The following LPAR1 variants were observed in gnomAD, a reference collection of about 807,000 sequenced individuals.
LPAR1 encodes the protein lysophosphatidic acid receptor 1, also known as LPA receptor 1.
In LPAR1, 5 loss-of-function variants were observed where a neutral mutation model predicts 23.8. The ratio of observed to expected loss-of-function variants is 0.21; its 90% confidence interval spans 0.11 to 0.44. LPAR1 has a LOEUF of 0.44. LPAR1 is among the 20% of genes least tolerant of loss of function. The probability of loss-of-function intolerance (pLI) is 0.99; values close to 1 mark genes in which losing one functional copy is unlikely to be tolerated. For missense variants in LPAR1, 311 were observed against 482.8 expected (o/e 0.64, Z 3.33); for synonymous variants, 160 against 164.7 (o/e 0.97, Z 0.22).
chr9:110,951,175 G>A (rs190224094), intron 4 of LPAR1, among the ~76,000 whole-genome samples: 23 of 151,922 alleles, frequency 1.5e-4, no homozygotes, highest in East Asian at 5.8e-4. Flanking sequence ...ACAGAAATCC[G>A]TTTCAGGCAA....
chr9:110,898,295 T>G (rs1299694269), intron 5 of LPAR1, among the ~76,000 whole-genome samples: 1 of 152,266 alleles, frequency 6.6e-6, no homozygotes, highest in African/African-American at 2.4e-5. Context: ...GCTTTGGAAT[T>G]ACAAAACTAT....
At chr9:110,930,682 G>C (rs2094350497) in intron 5 of LPAR1, among the ~76,000 whole-genome samples, 2 of 152,064 alleles carry the variant, frequency 1.3e-5, no homozygotes, top group African/African-American at 4.8e-5. Flanking sequence ...TTGGGAGGCT[G>C]AGGTGGGTGG....
At chr9:110,905,880 ACCC>A (rs1426189317) in intron 5 of LPAR1, among the ~76,000 whole-genome samples, 3 of 152,154 alleles carry the variant, frequency 2.0e-5, no homozygotes, top group Non-Finnish European at 4.4e-5. Context: ...CTGGCTCAAT[ACCC>A]TGAGGTTCAG....
intron 2 of LPAR1, among the ~76,000 whole-genome samples, chr9:110,986,584 T>TA (rs537635873): frequency 3.5e-4 from 49 of 141,216 alleles, no homozygotes; most frequent in Non-Finnish European, 4.5e-4. Flanking sequence ...TTAACTATTC[T>TA]AAAAAAAAAA....
intron 2 of LPAR1, among the ~76,000 whole-genome samples, chr9:111,005,079 T>C (rs1158456821): frequency 6.7e-6 from 1 of 149,352 alleles, no homozygotes; most frequent in Non-Finnish European, 1.5e-5. Context: ...CAAGCATTGG[T>C]TGAGCCCAAG....
At chr9:110,903,987 C>A (rs537764095) in intron 5 of LPAR1, among the ~76,000 whole-genome samples, 1 of 147,756 alleles carries the variant, frequency 6.8e-6, no homozygotes, top group African/African-American at 2.5e-5. Flanking sequence ...TTACCTGAAA[C>A]CATATAGGCC....
At chr9:110,903,605 G>A (rs964731558) in intron 5 of LPAR1, among the ~76,000 whole-genome samples, 1 of 152,048 alleles carries the variant, frequency 6.6e-6, no homozygotes, top group Non-Finnish European at 1.5e-5. Flanking sequence ...CTATGAACAA[G>A]AAGAAAATAG....
At chr9:110,958,118 C>T (rs1188493991) in intron 4 of LPAR1, among the ~76,000 whole-genome samples, 4 of 152,092 alleles carry the variant, frequency 2.6e-5, no homozygotes, top group East Asian at 1.9e-4. Context: ...GCTTATAGAT[C>T]GAACGAATTA....
chr9:110,905,325 A>T (rs950739931), intron 5 of LPAR1, among the ~76,000 whole-genome samples: 4 of 143,866 alleles, frequency 2.8e-5, no homozygotes, highest in African/African-American at 9.9e-5. Context: ...TTTAAAACAA[A>T]ATATGCCTTT....
At chr9:110,925,999 C>A (rs1588361055) in intron 5 of LPAR1, among the ~76,000 whole-genome samples, 1 of 152,184 alleles carries the variant, frequency 6.6e-6, no homozygotes, top group Non-Finnish European at 1.5e-5. Flanking sequence ...CGGCTCACTG[C>A]AAGCTCTGCC....
intron 5 of LPAR1, among the ~76,000 whole-genome samples, chr9:110,882,586 TA>T (rs1177484353): frequency 2.0e-5 from 3 of 152,198 alleles, no homozygotes; most frequent in Non-Finnish European, 4.4e-5. Flanking sequence ...CCTATAATTT[TA>T]ACCTGTATTA....
intron 2 of LPAR1, among the ~76,000 whole-genome samples, chr9:111,000,913 C>T (rs2097115208): frequency 6.6e-6 from 1 of 152,148 alleles, no homozygotes; most frequent in South Asian, 2.1e-4. Flanking sequence ...TTAAATCTAA[C>T]TAAATGCCTC....
At chr9:110,876,073 A>C (rs2079025399) in intron 5 of LPAR1, among the ~76,000 whole-genome samples, 1 of 152,198 alleles carries the variant, frequency 6.6e-6, no homozygotes. Flanking sequence ...TAGCAGTGTT[A>C]TTTTCAGGCA....
intron 2 of LPAR1, among the ~76,000 whole-genome samples, chr9:110,998,634 C>T (rs2097067230): frequency 6.6e-6 from 1 of 152,216 alleles, no homozygotes; most frequent in Non-Finnish European, 1.5e-5. Flanking sequence ...TGTACCTTCA[C>T]ATTATATGAC....
intron 4 of LPAR1, among the ~76,000 whole-genome samples, chr9:110,966,782 G>A (rs572953639): frequency 2.0e-4 from 31 of 152,232 alleles, no homozygotes; most frequent in African/African-American, 7.2e-4. Flanking sequence ...TAGGTTTTCA[G>A]ATACCTATTC....
intron 5 of LPAR1, among the ~76,000 whole-genome samples, chr9:110,939,445 C>G (rs1051265946): frequency 6.6e-6 from 1 of 152,192 alleles, no homozygotes; most frequent in African/African-American, 2.4e-5. Flanking sequence ...CATCTCACAG[C>G]TTTAAAAATC....
At chr9:110,984,723 A>G (rs1177397391) in intron 2 of LPAR1, among the ~76,000 whole-genome samples, 5 of 151,982 alleles carry the variant, frequency 3.3e-5, no homozygotes, top group Admixed American at 2.6e-4. Context: ...TGGCAAGAGC[A>G]GCTTGTCAAT....
intron 5 of LPAR1, among the ~76,000 whole-genome samples, chr9:110,906,090 A>G (rs868144557): frequency 6.6e-6 from 1 of 152,228 alleles, no homozygotes; most frequent in African/African-American, 2.4e-5. Flanking sequence ...ACATTTCAAG[A>G]AATCAGATTA....
At chr9:111,014,392 C>T (rs1475599650) in intron 2 of LPAR1, among the ~76,000 whole-genome samples, 1 of 152,170 alleles carries the variant, frequency 6.6e-6, no homozygotes, top group African/African-American at 2.4e-5. Flanking sequence ...GTTTGCACAT[C>T]CATCATGGAG....
Sources: allele counts gnomAD v4.1 joint callset (sites outside exome capture counted in the v4.1 genomes callset), GRCh38; gene constraint gnomAD v4.1.1; transcripts MANE v1.5; gene names NCBI Gene and HGNC (gene_info 2026-07-23, HGNC 2026-07-21).